Variants in HYAL4 observed in about 807,000 individuals in gnomAD.
HYAL4 encodes the protein hyaluronidase-4.
A neutral mutation model predicts 35.2 loss-of-function variants in HYAL4; 37 were observed. The ratio of observed to expected loss-of-function variants is 1.05; its 90% CI spans 0.81 to 1.38. HYAL4 has a LOEUF of 1.38. HYAL4 is among the 40% of genes most tolerant of loss of function. The pLI, the probability that HYAL4 is intolerant of heterozygous loss-of-function variation, is 0.00. For synonymous variants in HYAL4, 198 were observed against 203.2 expected (o/e 0.97, Z 0.22); for missense variants, 572 against 572.4 (o/e 1.00, Z 0.01).
the HYAL4 span, among the ~76,000 whole-genome samples, chr7:123,805,113 G>T: frequency 1.3e-5 from 2 of 152,134 alleles, no homozygotes; most frequent in African/African-American, 2.4e-5. Context: ...ATTTATTTAG[G>T]TTTCCTATAA....
At chr7:123,874,626 C>G (rs1467048550) in intron 3 of HYAL4, 135 bp from the exon 4 acceptor site, 5 of 578,256 alleles carry the variant, frequency 8.6e-6, no homozygotes, top group Non-Finnish European at 9.3e-6. Context: ...AGGCTGGTCT[C>G]AAACTCTTGA....
At chr7:123,828,886 G>C, upstream of HYAL4, 1 of 152,498 alleles carries the variant, frequency 6.6e-6, no homozygotes, top group East Asian at 1.9e-4. Flanking sequence ...AAAACTTTAG[G>C]CATTAATACT....
At chr7:123,823,041 A>G in the HYAL4 span, among the ~76,000 whole-genome samples, 1 of 151,460 alleles carries the variant, frequency 6.6e-6, no homozygotes, top group African/African-American at 2.4e-5. Flanking sequence ...ATGTTAGAGA[A>G]AAAGCTTTCA....
intron 2 of HYAL4, among the ~76,000 whole-genome samples, chr7:123,851,701 A>C (rs934949627): frequency 1.1e-4 from 16 of 152,150 alleles, no homozygotes; most frequent in African/African-American, 3.4e-4. Flanking sequence ...TGCAGTGAAC[A>C]CTTGTGGATG....
chr7:123,785,248 GTTA>G, the HYAL4 span, among the ~76,000 whole-genome samples: 1 of 152,002 alleles, frequency 6.6e-6, no homozygotes, highest in Non-Finnish European at 1.5e-5. This position sits in a 1 kb window ranked among gnomAD's most constrained non-coding sequence, Gnocchi z 4.5. Flanking sequence ...ACCACGCCTG[GTTA>G]TTTTTTTTTA....
the HYAL4 span, among the ~76,000 whole-genome samples, chr7:123,806,150 A>G: frequency 2.6e-5 from 4 of 152,180 alleles, no homozygotes; most frequent in African/African-American, 9.6e-5. Context: ...TCAAGACAAG[A>G]TGAGGCTGGC....
the HYAL4 span, among the ~76,000 whole-genome samples, chr7:123,770,925 A>G: frequency 1.3e-5 from 2 of 152,238 alleles, no homozygotes; most frequent in East Asian, 1.9e-4. Flanking sequence ...AATAAGAAGG[A>G]GGAAATGAAT....
In HYAL4 at chr7:123,876,918, A is replaced by G; in HGVS notation, c.1209A>G (p.Ala403=). ...NAPSYLHLNP[A]SYHIEASEDG... is the part of the protein sequence containing the mutation. ...CCAGTTACCTTCACTTGAACCCTGC[A>G]AGTTACCACATAGAGGCCTCTGAGG... The change falls in exon 5 of 5, where the codon GCA becomes GCG. Residue 403 remains alanine, a synonymous_variant. Coordinates refer to ENST00000223026, the MANE Select transcript of HYAL4 (RefSeq NM_012269.3). The G allele has an allele frequency of 6.2e-7, 1 of 1,614,190 alleles. No individual in the cohort carries two copies. Among genetic ancestry groups the G allele is most frequent in the Non-Finnish European group, 8.5e-7 (1 of 1,180,034 alleles).
At chr7:123,829,344 T>G (rs1263724423) in intron 1 of HYAL4, 1 of 152,150 alleles carries the variant, frequency 6.6e-6, no homozygotes, top group Admixed American at 6.6e-5. Flanking sequence ...GCTTCTTCTG[T>G]GATTCTGCTA....
the HYAL4 span, among the ~76,000 whole-genome samples, chr7:123,806,922 A>G: frequency 2.6e-5 from 4 of 152,136 alleles, no homozygotes; most frequent in African/African-American, 7.2e-5. Context: ...TACTTAGGGA[A>G]TGGGAAGGGA....
At chr7:123,865,134 T>A (rs1806656699) in intron 2 of HYAL4, among the ~76,000 whole-genome samples, 1 of 152,042 alleles carries the variant, frequency 6.6e-6, no homozygotes, top group South Asian at 2.1e-4. Context: ...ACCAGGATGT[T>A]CTATGGTGGT....
At chr7:123,858,170 C>G (rs1806498695) in intron 2 of HYAL4, among the ~76,000 whole-genome samples, 1 of 152,102 alleles carries the variant, frequency 6.6e-6, no homozygotes, top group African/African-American at 2.4e-5. Context: ...ACACTTCAGC[C>G]TATCTCTATC....
the HYAL4 span, among the ~76,000 whole-genome samples, chr7:123,783,431 T>G: frequency 6.6e-6 from 1 of 151,586 alleles, no homozygotes; most frequent in Non-Finnish European, 1.5e-5. Context: ...GTATTAAGAA[T>G]TAATAGTTAA....
the HYAL4 span, among the ~76,000 whole-genome samples, chr7:123,797,436 TA>T: frequency 6.6e-6 from 1 of 152,210 alleles, no homozygotes; most frequent in Non-Finnish European, 1.5e-5. Context: ...GAAGCAACGT[TA>T]AAATTCTGAG....
the HYAL4 span, among the ~76,000 whole-genome samples, chr7:123,818,289 G>A: frequency 6.6e-6 from 1 of 152,322 alleles, no homozygotes; most frequent in Non-Finnish European, 1.5e-5. Flanking sequence ...CCACAAGGAA[G>A]TACTGGGAGT....
chr7:123,867,395 G>C (rs778170280), intron 2 of HYAL4, among the ~76,000 whole-genome samples: 3 of 152,172 alleles, frequency 2.0e-5, no homozygotes, highest in East Asian at 3.9e-4. Context: ...AGGCAATCAT[G>C]ATGAGTGAGG....
chr7:123,766,014 T>TA, the HYAL4 span, among the ~76,000 whole-genome samples: 1 of 152,266 alleles, frequency 6.6e-6, no homozygotes, highest in South Asian at 2.1e-4. Context: ...CTTCATATCT[T>TA]TCTCTCGTTT....
chr7:123,838,606 A>G (rs181438673), intron 1 of HYAL4, among the ~76,000 whole-genome samples: 10 of 152,280 alleles, frequency 6.6e-5, no homozygotes, highest in Admixed American at 2.6e-4. Flanking sequence ...CCTGATGACA[A>G]TGTGCCTACG....
intron 2 of HYAL4, among the ~76,000 whole-genome samples, chr7:123,867,144 G>T (rs193260202): frequency 5.4e-4 from 82 of 152,212 alleles, no homozygotes; most frequent in African/African-American, 1.8e-3. Flanking sequence ...CAGGGGTTTG[G>T]TCTAGGTCCT....
Sources: allele counts gnomAD v4.1 joint callset (sites outside exome capture counted in the v4.1 genomes callset), GRCh38; gene constraint gnomAD v4.1.1; non-coding constraint Gnocchi (gnomAD v3.1); transcripts MANE v1.5; gene names NCBI Gene and HGNC (gene_info 2026-07-23, HGNC 2026-07-21).